RTTN: variants seen among roughly 807,000 people sequenced by gnomAD.
The protein encoded by RTTN is rotatin.
A neutral mutation model predicts 269.2 loss-of-function variants in RTTN; 182 were observed. The ratio of observed to expected loss-of-function variants is 0.68; its 90% CI spans 0.60 to 0.76. The LOEUF (loss-of-function observed/expected upper bound fraction) is 0.76. Ranked by LOEUF, RTTN falls within the 30% of genes least tolerant of loss-of-function variation. RTTN has a pLI of 0.00. For missense variants in RTTN, 2,545 were observed against 2,608.6 expected (o/e 0.98, Z 0.53); for synonymous variants, 1,006 against 963.5 (o/e 1.04, Z -0.82).
intron 14 of RTTN, among the ~76,000 whole-genome samples, chr18:70,154,350 A>G (rs1326438508): frequency 6.6e-6 from 1 of 152,066 alleles, no homozygotes; most frequent in Admixed American, 6.5e-5. Flanking sequence ...TACATCAATA[A>G]CTCAATTTAC....
At chr18:70,056,838 G>A (rs1011197424) in intron 37 of RTTN, among the ~76,000 whole-genome samples, 13 of 152,186 alleles carry the variant, frequency 8.5e-5, no homozygotes, top group Non-Finnish European at 1.9e-4. Context: ...CTTCTGAGAT[G>A]TCTATCATCT....
intron 12 of RTTN, among the ~76,000 whole-genome samples, chr18:70,167,811 G>GA (rs1465838238): frequency 6.6e-6 from 1 of 151,148 alleles, no homozygotes; most frequent in African/African-American, 2.4e-5. Context: ...AAGGAAAGGG[G>GA]AAAAAAAACA....
At position 70,166,301 on chromosome 18, in the gene RTTN, CT is replaced by C. The variant is rs1297337846; in HGVS notation, c.1803-114del. The C allele has an allele frequency of 6.7e-6, 7 of 1,043,012 alleles. No homozygotes were observed. In the East Asian group the frequency reaches 1.8e-4, roughly 27 times the overall value. 64.6% of individuals were successfully genotyped at this position (1,043,012 alleles called of 1,614,324 possible). Reference sequence around the variant, plus strand: ...CTACTCCAACTCCTCAAACTGAGATCTTATTAAAAATAACCAATACTAGCAA... The same window carrying C: ...CTACTCCAACTCCTCAAACTGAGATCTATTAAAAATAACCAATACTAGCAA... On this transcript the variant is annotated intron_variant, in intron 13 of 48. Transcript: ENST00000640769.
At chr18:70,085,298 G>A (rs1460302890) in intron 32 of RTTN, among the ~76,000 whole-genome samples, 3 of 152,084 alleles carry the variant, frequency 2.0e-5, no homozygotes, top group Admixed American at 6.6e-5. Flanking sequence ...AAGAAATTAC[G>A]AGCAAATTAC....
intron 4 of RTTN, among the ~76,000 whole-genome samples, chr18:70,201,653 G>A (rs902267102): frequency 3.8e-5 from 5 of 131,124 alleles, no homozygotes; most frequent in East Asian, 2.5e-4. Context: ...CATTCAGTAC[G>A]ACATACTACT....
intron 40 of RTTN, among the ~76,000 whole-genome samples, chr18:70,044,084 T>G (rs1374509888): frequency 3.9e-5 from 6 of 152,248 alleles, no homozygotes; most frequent in Non-Finnish European, 8.8e-5. Flanking sequence ...ATTTAAGTGA[T>G]GTAGGGTATT....
At position 70,004,130 on chromosome 18, in the gene RTTN, A is replaced by T; in HGVS notation, c.*21T>A. 6.3e-7 allele frequency: 1 copy of T among 1,588,372 alleles called. No individual in the cohort carries two copies. The highest frequency in any genetic ancestry group is 8.6e-7 in the Non-Finnish European group (1 of 1,156,982). On this transcript the variant is annotated 3_prime_UTR_variant, in exon 49 of 49. Transcript: ENST00000640769. Reference sequence around the variant, plus strand: ...CCCCTGTTGATGACTGTCAGCTTCAAGGTGTAGCATCCCATGGCACTCAGG... The same window carrying T: ...CCCCTGTTGATGACTGTCAGCTTCATGGTGTAGCATCCCATGGCACTCAGG...
At chr18:70,135,147 G>T in intron 22 of RTTN, 37 bp downstream of exon 22, 1 of 1,166,252 alleles carries the variant, frequency 8.6e-7, no homozygotes, top group Non-Finnish European at 1.2e-6. Context: ...GAGATAAATA[G>T]TTAAGAGTAA....
chr18:70,101,048 GTC>G (rs2059150425), intron 28 of RTTN, among the ~76,000 whole-genome samples: 1 of 151,974 alleles, frequency 6.6e-6, no homozygotes, highest in African/African-American at 2.4e-5. Flanking sequence ...TTTTTTTGTT[GTC>G]TCTCTGCCAG....
At chr18:70,045,792 T>C (rs2057474203) in intron 40 of RTTN, among the ~76,000 whole-genome samples, 1 of 152,204 alleles carries the variant, frequency 6.6e-6, no homozygotes, top group Non-Finnish European at 1.5e-5. Context: ...AAGAGTATGA[T>C]TTATTAGGAA....
intron 10 of RTTN, among the ~76,000 whole-genome samples, chr18:70,184,996 T>C (rs1349293910): frequency 3.9e-5 from 6 of 151,930 alleles, no homozygotes; most frequent in Admixed American, 3.3e-4. Flanking sequence ...CACTATAAGC[T>C]ACAATAATTA....
At chr18:70,006,566 C>T in intron 46 of RTTN, 82 bp from the exon 47 acceptor site, 9 of 1,034,236 alleles carry the variant, frequency 8.7e-6, no homozygotes, top group Non-Finnish European at 1.2e-5. Context: ...AGACACCCCC[C>T]TCTTTTCCCA....
At chr18:70,093,566 G>T (rs2058912457) in intron 28 of RTTN, among the ~76,000 whole-genome samples, 2 of 152,118 alleles carry the variant, frequency 1.3e-5, no homozygotes, top group Admixed American at 1.3e-4. Context: ...TAATCATGTG[G>T]TTTTTCTCAC....
In RTTN at chr18:70,140,845, T is replaced by C. The variant is rs148011769; in HGVS notation, c.2582-657A>G. ...ATGTTACCGGAACCCAAAACTGTAA[T>C]TGATTATATATTCGTTACAAGTATT... is the stretch of plus-strand genomic sequence containing the variant. On this transcript the variant is annotated intron_variant, in intron 19 of 48. Transcript: ENST00000640769. 5.4e-4 allele frequency among the ~76,000 whole-genome samples: 82 copies of C among 152,276 alleles called. No individual in the cohort carries two copies. The East Asian group carries it at 0.013, about 24-fold the overall frequency.
chr18:70,017,007 G>T (rs993093948), intron 46 of RTTN, among the ~76,000 whole-genome samples: 4 of 152,054 alleles, frequency 2.6e-5, no homozygotes, highest in African/African-American at 9.7e-5. Context: ...AGGCCCCCTG[G>T]GTGCGGGGCT....
At chr18:70,010,613 A>G (rs1426340424) in intron 46 of RTTN, among the ~76,000 whole-genome samples, 1 of 152,204 alleles carries the variant, frequency 6.6e-6, no homozygotes, top group Non-Finnish European at 1.5e-5. Flanking sequence ...TTTATAGCAC[A>G]AAATGCTCAC....
intron 40 of RTTN, among the ~76,000 whole-genome samples, chr18:70,034,263 G>C (rs1022608973): frequency 6.6e-6 from 1 of 151,980 alleles, no homozygotes; most frequent in Non-Finnish European, 1.5e-5. Flanking sequence ...CAAAAAAAAG[G>C]GTCAATATCC....
chr18:70,154,753 C>T (rs1287544350), intron 14 of RTTN, among the ~76,000 whole-genome samples: 3 of 152,084 alleles, frequency 2.0e-5, no homozygotes, highest in Admixed American at 1.3e-4. Flanking sequence ...CCCTCCTCCC[C>T]GACAGCAATG....
At chr18:70,097,342 A>T (rs2059028938) in intron 28 of RTTN, among the ~76,000 whole-genome samples, 1 of 152,220 alleles carries the variant, frequency 6.6e-6, no homozygotes, top group Non-Finnish European at 1.5e-5. Flanking sequence ...AATCATTTGG[A>T]CCAACAATGA....
Sources: allele counts gnomAD v4.1 joint callset (sites outside exome capture counted in the v4.1 genomes callset), GRCh38; gene constraint gnomAD v4.1.1; transcripts MANE v1.5; gene names NCBI Gene and HGNC (gene_info 2026-07-23, HGNC 2026-07-21).